Variants in ZNF385B observed in about 807,000 individuals in gnomAD.
ZNF385B encodes the protein zinc finger protein 533.
In ZNF385B, 23 loss-of-function variants were observed where a neutral mutation model predicts 39.2. That is an observed-to-expected ratio of 0.59 (90% CI 0.42 to 0.83). The LOEUF (loss-of-function observed/expected upper bound fraction) is 0.83. Among genes scored for constraint, ZNF385B ranks in the 40% least tolerant of loss-of-function variants. The pLI is 0.00. For missense variants in ZNF385B, 552 were observed against 598.9 expected, an observed-to-expected ratio of 0.92 and a Z score of 0.82; for synonymous variants, 205 against 222.6, an observed-to-expected ratio of 0.92 and a Z score of 0.70.
intron 1 of ZNF385B, among the ~76,000 whole-genome samples, chr2:179,780,879 T>C (rs754524357): frequency 2.0e-5 from 3 of 152,202 alleles, no homozygotes; most frequent in Non-Finnish European, 4.4e-5. Context: ...AATAAAATAA[T>C]CAAACTTACA....
chr2:179,444,854 T>A, intron 9 of ZNF385B, 22 bp downstream of exon 9: 2 of 1,595,674 alleles, frequency 1.3e-6, no homozygotes, highest in East Asian at 2.2e-5. Flanking sequence ...ACAAAACAGG[T>A]GAGCAGGTGA....
At position 179,444,932 on chromosome 2, in the gene ZNF385B, G is replaced by A; in HGVS notation, c.1186C>T (p.Leu396=). The A allele has an allele frequency of 6.2e-7, 1 of 1,614,198 alleles. No individual in the cohort carries two copies. Among genetic ancestry groups the A allele is most frequent in the South Asian group, 1.1e-5 (1 of 91,086 alleles). ...RHKDRVAGKP[L]KPKYSPYNKL... ...TTGTAAGGGCTGTATTTTGGCTTCAGTGGTTTCCCTGCAACTCGATCTTTA... is the reference window on the plus strand; with the variant it reads ...TTGTAAGGGCTGTATTTTGGCTTCAATGGTTTCCCTGCAACTCGATCTTTA... Residue 396 remains leucine, a synonymous_variant, in exon 9 of 10, where the codon CTG becomes TTG. Coordinates refer to ENST00000410066, the MANE Select transcript of ZNF385B (RefSeq NM_152520.6).
Position 179,714,942 on chromosome 2 carries a change from C to CAAAAAAAAAAAAAAAAAAAAAAA in ZNF385B, c.298+54560_298+54561insTTTTTTTTTTTTTTTTTTTTTTT, listed in dbSNP as rs34449760. On this transcript the variant is annotated intron_variant, in intron 3 of 9. Transcript: ENST00000410066. ...TGGGTAACAAAGCGAGATTCTATCTCAAAAAAAAAAAAAAAAAAACAGTTT... is the reference window on the plus strand; with the variant it reads ...TGGGTAACAAAGCGAGATTCTATCTCAAAAAAAAAAAAAAAAAAAAAAAAAAAAAAAAAAAAAAAAAACAGTTT... Among the ~76,000 whole-genome samples, 134 of 79,228 alleles carry CAAAAAAAAAAAAAAAAAAAAAAA rather than the reference C, an allele frequency of 1.7e-3. 9 individuals are homozygous for CAAAAAAAAAAAAAAAAAAAAAAA. The highest frequency in any genetic ancestry group is 0.011 in the East Asian group (14 of 1,250). 52.0% of individuals were successfully genotyped at this position (79,228 alleles called of 152,430 possible). A position where few individuals can be genotyped will look rare whatever the true frequency, so the allele number is the denominator to read the frequency against.
chr2:179,801,598 G>A (rs1250394698), intron 1 of ZNF385B, among the ~76,000 whole-genome samples: 1 of 152,064 alleles, frequency 6.6e-6, no homozygotes, highest in Non-Finnish European at 1.5e-5. Context: ...AAATCCCAAT[G>A]GTAGAGAAAT....
intron 1 of ZNF385B, among the ~76,000 whole-genome samples, chr2:179,858,945 G>A (rs759969334): frequency 1.4e-4 from 22 of 152,290 alleles, no homozygotes; most frequent in Non-Finnish European, 2.5e-4. Context: ...CAGGGGAGGC[G>A]GGGTGGCCAG....
chr2:179,818,848 A>G (rs894797347), intron 1 of ZNF385B, among the ~76,000 whole-genome samples: 2 of 152,168 alleles, frequency 1.3e-5, no homozygotes, highest in Non-Finnish European at 2.9e-5. Context: ...AACCCAAGAT[A>G]AACCTGGAAA....
chr2:179,519,908 G>C (rs540060188), intron 4 of ZNF385B, among the ~76,000 whole-genome samples: 1 of 152,206 alleles, frequency 6.6e-6, no homozygotes, highest in African/African-American at 2.4e-5. Context: ...AAATACATTA[G>C]AAAGGCAAGT....
intron 1 of ZNF385B, among the ~76,000 whole-genome samples, chr2:179,785,035 A>G (rs1038692416): frequency 6.6e-6 from 1 of 152,114 alleles, no homozygotes; most frequent in Non-Finnish European, 1.5e-5. Flanking sequence ...ACTCAAAAGT[A>G]CCCAGACATA....
At chr2:179,621,278 T>A (rs76353892) in intron 3 of ZNF385B, among the ~76,000 whole-genome samples, 1 of 152,174 alleles carries the variant, frequency 6.6e-6, no homozygotes, top group South Asian at 2.1e-4. Context: ...ACCTGGAATA[T>A]CTTTAGTACA....
At chr2:179,663,664 C>G (rs942370112) in intron 3 of ZNF385B, among the ~76,000 whole-genome samples, 1 of 132,568 alleles carries the variant, frequency 7.5e-6, no homozygotes, top group Non-Finnish European at 1.7e-5. Flanking sequence ...GAGCCGAGAT[C>G]GCGCCGCTGC....
intron 1 of ZNF385B, among the ~76,000 whole-genome samples, chr2:179,783,051 C>T (rs1000413076): frequency 1.1e-4 from 17 of 152,098 alleles, no homozygotes; most frequent in African/African-American, 3.9e-4. Context: ...AAGAGCAAAG[C>T]TGGAAGCATC....
At position 179,861,393 on chromosome 2, in the gene ZNF385B, T is replaced by TG. The variant is rs1296976659; in HGVS notation, c.-448_-447insC. 1 of 149,862 alleles carries TG rather than the reference T, an allele frequency of 6.7e-6. No individual in the cohort carries two copies. 9.3% of individuals were successfully genotyped at this position (149,862 alleles called of 1,614,324 possible). ...GCGCTGAGCGCCTGCGCACCGGGCC[T>TG]CGCCCAGGTGAGGGGCGTGTGCCCG... On this transcript the variant is annotated 5_prime_UTR_variant, in exon 1 of 10. Coordinates refer to ENST00000410066, the MANE Select transcript of ZNF385B (RefSeq NM_152520.6).
intron 4 of ZNF385B, among the ~76,000 whole-genome samples, chr2:179,518,901 A>G (rs938367964): frequency 2.0e-5 from 3 of 152,216 alleles, no homozygotes; most frequent in Admixed American, 1.3e-4. Flanking sequence ...CAGAAACCTA[A>G]TGTCTCTAGA....
intron 5 of ZNF385B, among the ~76,000 whole-genome samples, chr2:179,515,751 AT>A (rs774592691): frequency 6.6e-6 from 1 of 151,978 alleles, no homozygotes; most frequent in Non-Finnish European, 1.5e-5. Flanking sequence ...CATATCATTA[AT>A]TTTTTTCTAG....
At chr2:179,461,093 G>A (rs557961920) in intron 6 of ZNF385B, among the ~76,000 whole-genome samples, 2 of 152,172 alleles carry the variant, frequency 1.3e-5, no homozygotes, top group South Asian at 2.1e-4. Flanking sequence ...ACCTTGAAGC[G>A]GGAACAAACA....
At chr2:179,654,453 G>C (rs3106692) in intron 3 of ZNF385B, among the ~76,000 whole-genome samples, 2 of 152,112 alleles carry the variant, frequency 1.3e-5, no homozygotes, top group Non-Finnish European at 2.9e-5. Flanking sequence ...AGCCTACTAC[G>C]TAGGAACAGA....
At chr2:179,760,958 T>C (rs145446856) in intron 3 of ZNF385B, among the ~76,000 whole-genome samples, 32 of 152,324 alleles carry the variant, frequency 2.1e-4, no homozygotes, top group Non-Finnish European at 3.8e-4. Flanking sequence ...TTTTGTTGCC[T>C]ATAGCTGTTC....
At chr2:179,453,600 G>A (rs1483608106) in intron 6 of ZNF385B, among the ~76,000 whole-genome samples, 3 of 152,126 alleles carry the variant, frequency 2.0e-5, no homozygotes, top group Non-Finnish European at 4.4e-5. Flanking sequence ...ACTTGTGGTC[G>A]GAGGGAGATT....
At position 179,717,460 on chromosome 2, in the gene ZNF385B, C is replaced by G. The variant is rs1193747325; in HGVS notation, c.298+52043G>C. On this transcript the variant is annotated intron_variant, in intron 3 of 9. Coordinates refer to ENST00000410066, the MANE Select transcript of ZNF385B (RefSeq NM_152520.6). ...GAGAATAAGAAAGTATGGCTGGGCA[C>G]AGTGGCTCATGCCTGTAATCCTAAC... Among the ~76,000 whole-genome samples, 4 of 152,292 alleles carry G rather than the reference C, an allele frequency of 2.6e-5. No homozygotes were observed. The East Asian group carries it at 7.7e-4, about 29-fold the overall frequency.
Sources: gnomAD v4.1 joint callset for allele counts (sites outside exome capture counted in the v4.1 genomes callset) on GRCh38, gnomAD v4.1.1 for gene constraint, MANE v1.5 for transcripts, NCBI Gene and HGNC (gene_info 2026-07-23, HGNC 2026-07-21) for gene names.